The following PDE1C variants were observed in gnomAD, a reference collection of about 807,000 sequenced individuals.
PDE1C encodes the protein dual specificity calcium/calmodulin-dependent 3',5'-cyclic nucleotide phosphodiesterase 1C.
PDE1C carries 62 observed loss-of-function variants against 93.1 expected under a neutral mutation model. That is an observed-to-expected ratio of 0.67 (90% CI 0.54 to 0.82). PDE1C has a LOEUF of 0.82. PDE1C is among the 40% of genes least tolerant of loss of function. The probability of loss-of-function intolerance (pLI) is 0.00; values close to 1 mark genes in which losing one functional copy is unlikely to be tolerated. For synonymous variants in PDE1C, 325 were observed against 310.1 expected, an observed-to-expected ratio of 1.05 and a Z score of -0.50; for missense variants, 742 against 884.6, an observed-to-expected ratio of 0.84 and a Z score of 2.04.
chr7:32,360,154 C>G (rs140561710), intron 1 of PDE1C, among the ~76,000 whole-genome samples: 101 of 152,306 alleles, frequency 6.6e-4, no homozygotes, highest in Middle Eastern at 3.4e-3. Flanking sequence ...TCAACTCACT[C>G]TCCTGATCAC....
chr7:31,990,539 GC>G, intron 2 of PDE1C, among the ~76,000 whole-genome samples: 1 of 152,094 alleles, frequency 6.6e-6, no homozygotes, highest in East Asian at 1.9e-4. Flanking sequence ...AAGAAGGATG[GC>G]TAACCCACAC....
intron 1 of PDE1C, among the ~76,000 whole-genome samples, chr7:32,216,055 T>G (rs1362949490): frequency 6.6e-6 from 1 of 152,212 alleles, no homozygotes; most frequent in Non-Finnish European, 1.5e-5. Flanking sequence ...TCCAGGCACT[T>G]TCACTAGTGA....
chr7:32,312,237 T>C (rs1783062367), intron 1 of PDE1C, among the ~76,000 whole-genome samples: 1 of 152,132 alleles, frequency 6.6e-6, no homozygotes, highest in Non-Finnish European at 1.5e-5. Context: ...TACAAACCAC[T>C]GCTCAAGGAA....
At chr7:31,793,855 T>G (rs971888725) in intron 16 of PDE1C, among the ~76,000 whole-genome samples, 1 of 151,900 alleles carries the variant, frequency 6.6e-6, no homozygotes, top group African/African-American at 2.4e-5. Flanking sequence ...GAGCATATTA[T>G]TATAATAGGA....
At chr7:31,834,748 T>C (rs897424605) in intron 11 of PDE1C, among the ~76,000 whole-genome samples, 1 of 152,064 alleles carries the variant, frequency 6.6e-6, no homozygotes, top group African/African-American at 2.4e-5. Context: ...CAGATGAGAC[T>C]TCGAACTGTG....
At chr7:32,374,667 T>C (rs1784405311) in intron 1 of PDE1C, among the ~76,000 whole-genome samples, 1 of 152,266 alleles carries the variant, frequency 6.6e-6, no homozygotes, top group African/African-American at 2.4e-5. Flanking sequence ...GACTGCTCTG[T>C]CTGTTCCAAT....
At chr7:32,117,301 A>C (rs1799037868) in intron 3 of PDE1C, among the ~76,000 whole-genome samples, 1 of 152,206 alleles carries the variant, frequency 6.6e-6, no homozygotes, top group Non-Finnish European at 1.5e-5. Flanking sequence ...AATAATAATA[A>C]CAACTATAAG....
At position 32,070,336 on chromosome 7, in the gene PDE1C, G is replaced by T; in HGVS notation, c.58C>A (p.Gln20Lys). The T allele has an allele frequency of 1.2e-6, 2 of 1,614,232 alleles. No individual in the cohort carries two copies. Among genetic ancestry groups the T allele is most frequent in the Non-Finnish European group, 1.7e-6 (2 of 1,180,042 alleles). Reference sequence around the variant, plus strand: ...CAGATTTTCTCGATCTGTTCCGGTTGCAGGTATTTCAGAGAGTTGCTCTCA... The same window carrying T: ...CAGATTTTCTCGATCTGTTCCGGTTTCAGGTATTTCAGAGAGTTGCTCTCA... ...EFESNSLKYLQPEQIEKIWLR... is the reference protein window; with the variant it reads ...EFESNSLKYLKPEQIEKIWLR... The change falls in exon 1 of 18, where the codon CAA (glutamine) becomes AAA (lysine). Residue 20 changes from glutamine to lysine, a missense_variant. By Grantham distance (53) the Gln-to-Lys change is moderately conservative (BLOSUM62 1). This residue lies in a region of PDE1C where 74 missense variants were observed against 88.2 expected (regional missense o/e 0.84). Transcript: ENST00000396191.
At chr7:31,678,120 CAAA>C in the PDE1C span, among the ~76,000 whole-genome samples, 1 of 151,908 alleles carries the variant, frequency 6.6e-6, no homozygotes, top group African/African-American at 2.4e-5. Flanking sequence ...TCCAGAAGAA[CAAA>C]AAAGTAGATT....
At chr7:31,675,609 G>A in the PDE1C span, among the ~76,000 whole-genome samples, 37 of 151,814 alleles carry the variant, frequency 2.4e-4, no homozygotes, top group African/African-American at 8.5e-4. Context: ...AAACATCACT[G>A]GGAATGAATC....
At chr7:31,907,755 G>A (rs1056432617) in intron 2 of PDE1C, among the ~76,000 whole-genome samples, 5 of 152,070 alleles carry the variant, frequency 3.3e-5, no homozygotes, top group South Asian at 2.1e-4. Flanking sequence ...AAAATATCTC[G>A]TATATGAAGC....
At chr7:31,818,683 ATT>A (rs1788577401) in intron 14 of PDE1C, among the ~76,000 whole-genome samples, 1 of 152,100 alleles carries the variant, frequency 6.6e-6, no homozygotes, top group Admixed American at 6.6e-5. Flanking sequence ...AAAGATGACT[ATT>A]TTTACTACAG....
intron 1 of PDE1C, among the ~76,000 whole-genome samples, chr7:32,211,581 A>T (rs971003496): frequency 1.4e-5 from 2 of 142,552 alleles, no homozygotes; most frequent in East Asian, 2.0e-4. Flanking sequence ...ATCTTATAAT[A>T]AAAAAAAAGG....
At chr7:32,070,232 G>C in intron 1 of PDE1C, 61 bp downstream of exon 1, 1 of 1,609,662 alleles carries the variant, frequency 6.2e-7, no homozygotes, top group South Asian at 1.1e-5. Flanking sequence ...GACTGCGGCT[G>C]TGTGGTAAAA....
At chr7:32,393,048 CAAAAAAAAAAAA>C (rs35905868) in intron 1 of PDE1C, among the ~76,000 whole-genome samples, 2 of 48,498 alleles carry the variant, frequency 4.1e-5, no homozygotes, top group South Asian at 1.1e-3. Flanking sequence ...GACTCTGTCT[CAAAAAAAAAAAA>C]AAAAAAAAAA....
the PDE1C span, among the ~76,000 whole-genome samples, chr7:31,666,731 C>A: frequency 6.6e-6 from 1 of 152,164 alleles, no homozygotes; most frequent in Non-Finnish European, 1.5e-5. Context: ...ATATTCCTAT[C>A]ACCCCAAATG....
intron 1 of PDE1C, among the ~76,000 whole-genome samples, chr7:32,220,611 C>T (rs1806779146): frequency 6.6e-6 from 1 of 151,828 alleles, no homozygotes; most frequent in Admixed American, 6.6e-5. Context: ...GTCAGGAGAT[C>T]GAGACCATCC....
intron 17 of PDE1C, among the ~76,000 whole-genome samples, chr7:31,774,243 A>G (rs1210533908): frequency 6.6e-6 from 1 of 152,250 alleles, no homozygotes; most frequent in Admixed American, 6.5e-5. Flanking sequence ...CTCAGAATGG[A>G]TGAAATATGG....
chr7:32,400,175 G>T (rs1451151008), intron 1 of PDE1C, among the ~76,000 whole-genome samples: 2 of 152,150 alleles, frequency 1.3e-5, no homozygotes, highest in Non-Finnish European at 2.9e-5. Flanking sequence ...TCCCCAACAA[G>T]AGTGAAAGCC....
Sources: allele counts gnomAD v4.1 joint callset (sites outside exome capture counted in the v4.1 genomes callset), GRCh38; gene constraint gnomAD v4.1.1; regional missense constraint gnomAD v4.1.1; transcripts MANE v1.5; gene names NCBI Gene and HGNC (gene_info 2026-07-23, HGNC 2026-07-21).